The following CDK5RAP2 variants were observed in gnomAD, a reference collection of about 807,000 sequenced individuals.
The protein encoded by CDK5RAP2 is CDK5 regulatory subunit associated protein 2, also known as CDK5 regulatory subunit-associated protein 2.
A neutral mutation model predicts 232.9 loss-of-function variants in CDK5RAP2; 147 were observed. The ratio of observed to expected loss-of-function variants is 0.63; its 90% CI spans 0.55 to 0.72. The LOEUF (loss-of-function observed/expected upper bound fraction) is 0.72, where lower values mean the gene tolerates loss of function less well. Ranked by LOEUF, CDK5RAP2 falls within the 30% of genes least tolerant of loss-of-function variation. CDK5RAP2 has a pLI of 0.00. For missense variants in CDK5RAP2, 2,195 were observed against 2,231.5 expected, an observed-to-expected ratio of 0.98 and a Z score of 0.33; for synonymous variants, 833 against 833.7, an observed-to-expected ratio of 1.00 and a Z score of 0.01.
At chr9:120,444,869 C>G (rs1216550453) in intron 22 of CDK5RAP2, among the ~76,000 whole-genome samples, 7 of 152,182 alleles carry the variant, frequency 4.6e-5, no homozygotes. Flanking sequence ...GTAGTAATTT[C>G]TGTATCTGCC....
intron 23 of CDK5RAP2, among the ~76,000 whole-genome samples, chr9:120,442,965 AGG>A (rs1406706501): frequency 2.0e-5 from 3 of 152,136 alleles, no homozygotes; most frequent in Admixed American, 6.5e-5. Flanking sequence ...TTTTTAATGA[AGG>A]GGGAAAAATA....
intron 12 of CDK5RAP2, among the ~76,000 whole-genome samples, chr9:120,505,459 C>A (rs546457758): frequency 1.3e-5 from 2 of 152,124 alleles, no homozygotes; most frequent in South Asian, 2.1e-4. Context: ...CAGTGAATAA[C>A]CCTATAATGG....
intron 22 of CDK5RAP2, among the ~76,000 whole-genome samples, chr9:120,445,844 A>C (rs1409256914): frequency 6.6e-6 from 1 of 151,956 alleles, no homozygotes; most frequent in African/African-American, 2.4e-5. Context: ...TCTACCCTTG[A>C]CTCCAGACTC....
chr9:120,501,514 C>G (rs2039574226), intron 12 of CDK5RAP2, among the ~76,000 whole-genome samples: 1 of 152,220 alleles, frequency 6.6e-6, no homozygotes, highest in Non-Finnish European at 1.5e-5. Context: ...GTACCTGGCA[C>G]ATAGCAGACA....
At chr9:120,433,101 TG>T in intron 25 of CDK5RAP2, among the ~76,000 whole-genome samples, 1 of 152,130 alleles carries the variant, frequency 6.6e-6, no homozygotes, top group East Asian at 1.9e-4. Context: ...TCGCAAAAGC[TG>T]GGGGAAAACA....
intron 7 of CDK5RAP2, among the ~76,000 whole-genome samples, chr9:120,535,900 C>T (rs573328383): frequency 1.3e-5 from 2 of 152,254 alleles, no homozygotes; most frequent in South Asian, 2.1e-4. Flanking sequence ...ATAAGTCACA[C>T]GAAATTCACT....
In CDK5RAP2 at chr9:120,527,336, G is replaced by T. The variant is rs552658719; in HGVS notation, c.999+470C>A. ...TGTTATCCTTCAAAAGATTAGACCT[G>T]CATTGTCCAATGCGGCAGTCACTAC... On this transcript the variant is annotated intron_variant, in intron 10 of 37. Transcript: ENST00000349780. 2.6e-5 allele frequency among the ~76,000 whole-genome samples: 4 copies of T among 152,142 alleles called. No homozygotes were observed. The South Asian group carries it at 8.3e-4, about 32-fold the overall frequency.
intron 12 of CDK5RAP2, among the ~76,000 whole-genome samples, chr9:120,516,873 G>C (rs1038432930): frequency 5.9e-5 from 9 of 152,152 alleles, no homozygotes; most frequent in African/African-American, 2.2e-4. Flanking sequence ...ATCTGACCCA[G>C]TAATCTCACT....
intron 16 of CDK5RAP2, among the ~76,000 whole-genome samples, chr9:120,470,679 A>G (rs1246567750): frequency 6.6e-6 from 1 of 150,742 alleles, no homozygotes; most frequent in Non-Finnish European, 1.5e-5. Flanking sequence ...CAGAACCCTC[A>G]TGGGAAACAA....
chr9:120,487,574 A>T (rs1170693728), intron 13 of CDK5RAP2, 137 bp from the exon 14 acceptor site: 2 of 672,982 alleles, frequency 3.0e-6, no homozygotes, highest in Non-Finnish European at 4.9e-6. Context: ...TCATCATTCC[A>T]AAATACTAGG....
intron 34 of CDK5RAP2, among the ~76,000 whole-genome samples, chr9:120,401,971 G>A (rs1338087372): frequency 1.3e-5 from 2 of 151,012 alleles, no homozygotes; most frequent in Non-Finnish European, 2.9e-5. Context: ...GCAACAGAAT[G>A]AGACTCCATC....
Position 120,527,812 on chromosome 9 carries a change from T to C in CDK5RAP2, c.993A>G (p.Glu331=), listed in dbSNP as rs371373246. 1.2e-6 allele frequency: 2 copies of C among 1,613,546 alleles called. No individual in the cohort carries two copies. Among genetic ancestry groups the C allele is most frequent in the Non-Finnish European group, 1.7e-6 (2 of 1,179,966 alleles). ...TCAAGTGTATCAGACATACCTTTTT[T>C]TCCTTTGATTTTAATGCCATGGTTA... ...QGLTMALKSK[E]KKVEELNSEI... Residue 331 remains glutamate (E), a synonymous_variant, in exon 10 of 38, where the codon GAA becomes GAG. Transcript: ENST00000349780.
intron 12 of CDK5RAP2, among the ~76,000 whole-genome samples, chr9:120,504,446 G>A (rs1358950861): frequency 1.3e-5 from 2 of 152,162 alleles, no homozygotes; most frequent in South Asian, 2.1e-4. Context: ...TATAAAGGAA[G>A]AAGGGTAGAA....
intron 2 of CDK5RAP2, among the ~76,000 whole-genome samples, chr9:120,571,115 C>A (rs939396330): frequency 6.6e-6 from 1 of 152,124 alleles, no homozygotes; most frequent in African/African-American, 2.4e-5. Flanking sequence ...CGTGATCGCA[C>A]CTCTGCACTC....
intron 5 of CDK5RAP2, 84 bp downstream of exon 5, chr9:120,545,626 CAACT>C: frequency 1.0e-6 from 1 of 998,854 alleles, no homozygotes; most frequent in Non-Finnish European, 1.6e-6. Flanking sequence ...AGATGGAAAC[CAACT>C]GTCTTAGAAA....
intron 24 of CDK5RAP2, among the ~76,000 whole-genome samples, chr9:120,437,977 A>G (rs2035684229): frequency 6.6e-6 from 1 of 152,184 alleles, no homozygotes; most frequent in African/African-American, 2.4e-5. Context: ...GATGCTAACT[A>G]CCATTTACTG....
At chr9:120,437,549 A>T in intron 24 of CDK5RAP2, 22 bp from the exon 25 acceptor site, 5 of 1,551,026 alleles carry the variant, frequency 3.2e-6, no homozygotes, top group Non-Finnish European at 4.5e-6. Context: ...GGGGAAAGAA[A>T]ATACTTGGAC....
chr9:120,458,434 T>C lies in CDK5RAP2; in HGVS notation c.2375+16A>G, dbSNP rs2036904480. On this transcript the variant is annotated intron_variant, in intron 20 of 37. Coordinates refer to ENST00000349780, the MANE Select transcript of CDK5RAP2 (RefSeq NM_018249.6). ...AGAACTAGAGAAACAAAGGAATGCC[T>C]GGGCCCCATGTATACCTGGATTCCA... is the stretch of plus-strand genomic sequence containing the variant. 6.2e-7 allele frequency: 1 copy of C among 1,613,456 alleles called. No individual in the cohort carries two copies. Among genetic ancestry groups the C allele is most frequent in the Admixed American group, 1.7e-5 (1 of 59,998 alleles).
chr9:120,525,103 C>T lies in CDK5RAP2; in HGVS notation c.1000-25G>A, dbSNP rs766444002. ...CCTGGGGAAAAATAATGAATACCAG[C>T]CAAGTATGTAACTGGGCTCTCCTCT... On this transcript the variant is annotated intron_variant, in intron 10 of 37. Coordinates refer to ENST00000349780, the MANE Select transcript of CDK5RAP2 (RefSeq NM_018249.6). 12 of 1,565,512 alleles carry T rather than the reference C, an allele frequency of 7.7e-6. No individual in the cohort carries two copies. The South Asian group carries it at 8.9e-5, about 12-fold the overall frequency.
Sources: allele counts gnomAD v4.1 joint callset (sites outside exome capture counted in the v4.1 genomes callset), GRCh38; gene constraint gnomAD v4.1.1; transcripts MANE v1.5; gene names NCBI Gene and HGNC (gene_info 2026-07-23, HGNC 2026-07-21).